Variants in SYK observed in about 807,000 individuals in gnomAD.
SYK encodes spleen associated tyrosine kinase, also known as tyrosine-protein kinase SYK.
A neutral mutation model predicts 77.8 loss-of-function variants in SYK; 16 were observed. The ratio of observed to expected loss-of-function variants is 0.21; its 90% CI spans 0.14 to 0.31. The LOEUF is 0.31. Among genes scored for constraint, SYK ranks in the 10% least tolerant of loss-of-function variants. The pLI is 1.00. For synonymous variants in SYK, 312 were observed against 308.7 expected, an observed-to-expected ratio of 1.01 and a Z score of -0.11; for missense variants, 529 against 814.4, an observed-to-expected ratio of 0.65 and a Z score of 4.26.
intron 1 of SYK, among the ~76,000 whole-genome samples, chr9:90,815,560 G>C (rs1763389727): frequency 6.6e-6 from 1 of 152,208 alleles, no homozygotes. Flanking sequence ...GCAGTCACGT[G>C]CTGCCCTCCT....
intron 1 of SYK, among the ~76,000 whole-genome samples, chr9:90,819,491 A>G (rs959442959): frequency 1.6e-4 from 24 of 152,220 alleles, no homozygotes; most frequent in African/African-American, 5.8e-4. Context: ...GCAGGAGGTG[A>G]AAGGCACTTC....
chr9:90,801,663 GCCGATT>G (rs1826733111), upstream of SYK: 1 of 152,274 alleles, frequency 6.6e-6, no homozygotes, highest in African/African-American at 2.4e-5. Context: ...CGGCGCTTCA[GCCGATT>G]CCCGCCCAGC....
At chr9:90,820,044 A>C (rs767810566) in intron 1 of SYK, among the ~76,000 whole-genome samples, 2 of 152,232 alleles carry the variant, frequency 1.3e-5, no homozygotes, top group Non-Finnish European at 2.9e-5. Context: ...TTAAGCTCCA[A>C]GATGATCTCC....
intron 11 of SYK, among the ~76,000 whole-genome samples, chr9:90,883,286 G>A (rs371595291): frequency 7.2e-5 from 11 of 151,994 alleles, no homozygotes; most frequent in South Asian, 4.2e-4. Flanking sequence ...GAGAATGTCC[G>A]CAGCCTCCCC....
Position 90,817,538 on chromosome 9 carries a change from TATC to T in SYK, c.-42+15648_-42+15650del, listed in dbSNP as rs1347507159. Reference sequence around the variant, plus strand: ...CCTTTTCTCCTGATCTCTGCTGGCTTATCATTGTTTTTTGTTTTTTGTTTTTTG... The same window carrying T: ...CCTTTTCTCCTGATCTCTGCTGGCTTATTGTTTTTTGTTTTTTGTTTTTTG... On this transcript the variant is annotated intron_variant, in intron 1 of 13. Transcript: ENST00000375754. Among the ~76,000 whole-genome samples, 9 of 152,298 alleles carry T rather than the reference TATC, an allele frequency of 5.9e-5. No individual in the cohort carries two copies. In the East Asian group the frequency reaches 1.7e-3, roughly 29 times the overall value.
intron 1 of SYK, among the ~76,000 whole-genome samples, chr9:90,841,619 G>C (rs922618834): frequency 6.6e-6 from 1 of 150,884 alleles, no homozygotes; most frequent in African/African-American, 2.4e-5. Context: ...TGTGTTTTGT[G>C]TGTGTAGTGT....
At chr9:90,823,487 A>G (rs1330052455) in intron 1 of SYK, among the ~76,000 whole-genome samples, 1 of 152,246 alleles carries the variant, frequency 6.6e-6, no homozygotes, top group Admixed American at 6.5e-5. Context: ...AAGATAGAGC[A>G]CATTCTTGGA....
chr9:90,840,726 AAG>A (rs1826276700), intron 1 of SYK, among the ~76,000 whole-genome samples: 1 of 152,214 alleles, frequency 6.6e-6, no homozygotes, highest in South Asian at 2.1e-4. Context: ...ACACCTTGCT[AAG>A]AGATGAATTT....
Position 90,878,736 on chromosome 9 carries a change from T to C in SYK, c.1392-28T>C, listed in dbSNP as rs928906426. 11 of 1,587,814 alleles carry C rather than the reference T, an allele frequency of 6.9e-6. No individual in the cohort carries two copies. The African/African-American group carries it at 1.2e-4, about 17-fold the overall frequency. On this transcript the variant is annotated intron_variant, in intron 10 of 13. Coordinates refer to ENST00000375754, the MANE Select transcript of SYK (RefSeq NM_003177.7). ...TTGTGAAATGGGTCACTGTCTGTTA[T>C]AGCTGATGAGATCATTATGACTTTC... is the stretch of plus-strand genomic sequence containing the variant.
Position 90,884,394 on chromosome 9 carries a change from CAT to C in SYK, c.1582-3353_1582-3352del, listed in dbSNP as rs142112478. 1.3e-4 allele frequency among the ~76,000 whole-genome samples: 5 copies of C among 37,140 alleles called. 1 individual carries two copies. The highest frequency in any genetic ancestry group is 2.4e-4 in the Non-Finnish European group (5 of 20,506). The allele number at this position is 37,140 out of a possible 152,430, so 24.4% of individuals were successfully genotyped here. On this transcript the variant is annotated intron_variant, in intron 11 of 13. Coordinates refer to ENST00000375754, the MANE Select transcript of SYK (RefSeq NM_003177.7). ...ACACACATACGTGTATATATGCATA[CAT>C]ACACATATGTGTATATATACATACA...
intron 9 of SYK, among the ~76,000 whole-genome samples, chr9:90,875,128 G>T (rs939277735): frequency 2.6e-5 from 4 of 152,052 alleles, no homozygotes; most frequent in Non-Finnish European, 5.9e-5. Context: ...AATTGGCATG[G>T]TGGCTCATGC....
At position 90,829,435 on chromosome 9, in the gene SYK, A is replaced by G. The variant is rs967332748; in HGVS notation, c.-41-14423A>G. On this transcript the variant is annotated intron_variant, in intron 1 of 13. Transcript: ENST00000375754. ...GGTGCCCTGAAGACCACACTCAGGA[A>G]GAACCGGACATGTGAGCTTTCATGA... 2.0e-5 allele frequency among the ~76,000 whole-genome samples: 3 copies of G among 152,228 alleles called. No homozygotes were observed. The East Asian group carries it at 5.8e-4, about 29-fold the overall frequency.
intron 9 of SYK, 100 bp downstream of exon 9, chr9:90,874,949 T>C: frequency 1.5e-6 from 2 of 1,333,896 alleles, no homozygotes; most frequent in South Asian, 1.4e-5. Context: ...AAACCCTTTT[T>C]TTATTAATGC....
In SYK at chr9:90,838,999, G is replaced by T. The variant is rs201807087; in HGVS notation, c.-41-4859G>T. 1.4e-4 allele frequency among the ~76,000 whole-genome samples: 21 copies of T among 152,298 alleles called. No individual in the cohort carries two copies. In the East Asian group the frequency reaches 3.1e-3, roughly 22 times the overall value. ...GCCAAGACTACGCTGGGTGAAAAGT[G>T]AGACTCTCTGGATTTGCCATACTGA... On this transcript the variant is annotated intron_variant, in intron 1 of 13. Coordinates refer to ENST00000375754, the MANE Select transcript of SYK (RefSeq NM_003177.7).
At chr9:90,861,167 C>A (rs1269790749) in intron 3 of SYK, among the ~76,000 whole-genome samples, 5 of 152,152 alleles carry the variant, frequency 3.3e-5, no homozygotes, top group African/African-American at 7.2e-5. Flanking sequence ...TCCACTGGGA[C>A]CTCGAACTCC....
intron 1 of SYK, 131 bp from the exon 2 acceptor site, chr9:90,843,727 C>T: frequency 1.7e-6 from 1 of 587,586 alleles, no homozygotes; most frequent in Non-Finnish European, 2.7e-6. Flanking sequence ...GTTGGGAGGG[C>T]CAAAGAGGGA....
intron 7 of SYK, 107 bp downstream of exon 7, chr9:90,867,306 G>A (rs750813405): frequency 1.3e-4 from 150 of 1,153,032 alleles, no homozygotes; most frequent in Non-Finnish European, 1.9e-4. Context: ...CCCATCTCTT[G>A]CCACTCTGCT....
intron 1 of SYK, among the ~76,000 whole-genome samples, chr9:90,817,319 T>C (rs377569137): frequency 7.9e-5 from 12 of 152,194 alleles, no homozygotes; most frequent in African/African-American, 2.2e-4. Context: ...TAATTCTCTA[T>C]TTCAGGGACA....
intron 1 of SYK, among the ~76,000 whole-genome samples, chr9:90,836,804 A>G (rs377155533): frequency 2.6e-5 from 4 of 152,232 alleles, no homozygotes; most frequent in African/African-American, 9.6e-5. Flanking sequence ...CCAAGAAGTC[A>G]TGACATTATA....
Sources: gnomAD v4.1 joint callset for allele counts (sites outside exome capture counted in the v4.1 genomes callset) on GRCh38, gnomAD v4.1.1 for gene constraint, MANE v1.5 for transcripts, NCBI Gene and HGNC (gene_info 2026-07-23, HGNC 2026-07-21) for gene names.